SGCZ: variants seen among roughly 807,000 people sequenced by gnomAD.
The protein encoded by SGCZ is sarcoglycan zeta, also known as zeta-sarcoglycan.
A neutral mutation model predicts 41.3 loss-of-function variants in SGCZ; 40 were observed. That is an observed-to-expected ratio of 0.97 (90% confidence interval 0.75 to 1.26). SGCZ has a LOEUF of 1.26. Ranked by LOEUF, SGCZ falls within the 50% of genes most tolerant of loss-of-function variation. The pLI, the probability that SGCZ is intolerant of heterozygous loss-of-function variation, is 0.00. For synonymous variants in SGCZ, 206 were observed against 137.5 expected, an observed-to-expected ratio of 1.50 and a Z score of -3.49; for missense variants, 552 against 369.8, an observed-to-expected ratio of 1.49 and a Z score of -4.04.
At chr8:14,758,995 T>G (rs1799771767) in intron 1 of SGCZ, among the ~76,000 whole-genome samples, 3 of 133,760 alleles carry the variant, frequency 2.2e-5, no homozygotes, top group Admixed American at 7.7e-5. Context: ...GCAACAGGAG[T>G]GAAACTCCAT....
chr8:15,074,455 C>T (rs1365791869), intron 1 of SGCZ, among the ~76,000 whole-genome samples: 1 of 152,080 alleles, frequency 6.6e-6, no homozygotes, highest in Non-Finnish European at 1.5e-5. Context: ...TTGCCTCCAC[C>T]CCATTAGTTT....
intron 2 of SGCZ, among the ~76,000 whole-genome samples, chr8:14,481,706 G>T (rs571274652): frequency 6.6e-6 from 1 of 151,548 alleles, no homozygotes; most frequent in Non-Finnish European, 1.5e-5. Flanking sequence ...CTAGGAGAAT[G>T]GATTATTATC....
In SGCZ at chr8:14,593,004, C is replaced by T. The variant is rs998985842; in HGVS notation, c.40-38078G>A. On this transcript the variant is annotated intron_variant, in intron 1 of 7. Coordinates refer to ENST00000382080, the MANE Select transcript of SGCZ (RefSeq NM_139167.4). Reference sequence around the variant, plus strand: ...GGTTTCTGTTGTCTCTGACTTAGTGCCTTTACATTGGTACTGAATTATCAT... The same window carrying T: ...GGTTTCTGTTGTCTCTGACTTAGTGTCTTTACATTGGTACTGAATTATCAT... Among the ~76,000 whole-genome samples, 3 of 152,120 alleles carry T rather than the reference C, an allele frequency of 2.0e-5. No individual in the cohort carries two copies. The South Asian group carries it at 6.2e-4, about 31-fold the overall frequency.
At chr8:15,008,802 G>A in intron 1 of SGCZ, among the ~76,000 whole-genome samples, 1 of 73,616 alleles carries the variant, frequency 1.4e-5, no homozygotes, top group Admixed American at 1.6e-4. Flanking sequence ...GGAGGGAGGG[G>A]AGGAGGGAGG....
At chr8:14,650,850 G>T (rs1319285562) in intron 1 of SGCZ, among the ~76,000 whole-genome samples, 1 of 151,970 alleles carries the variant, frequency 6.6e-6, no homozygotes, top group African/African-American at 2.4e-5. Flanking sequence ...AGAGGGGAGT[G>T]ATATGTTATA....
intron 2 of SGCZ, among the ~76,000 whole-genome samples, chr8:14,336,363 T>C (rs915642976): frequency 7.2e-5 from 11 of 152,170 alleles, no homozygotes; most frequent in African/African-American, 2.7e-4. Context: ...ATGTTGATTC[T>C]ATGTCTTTGA....
intron 2 of SGCZ, among the ~76,000 whole-genome samples, chr8:14,370,576 C>T (rs1166526166): frequency 1.3e-5 from 2 of 151,802 alleles, no homozygotes; most frequent in Non-Finnish European, 2.9e-5. Flanking sequence ...GTTCTCTTTT[C>T]AGCACTAGTG....
At chr8:14,481,496 C>T (rs1370805265) in intron 2 of SGCZ, among the ~76,000 whole-genome samples, 1 of 152,160 alleles carries the variant, frequency 6.6e-6, no homozygotes, top group Admixed American at 6.5e-5. Flanking sequence ...ATCAATCTCA[C>T]AATAAATTTG....
At chr8:14,459,321 G>A (rs530886865) in intron 2 of SGCZ, among the ~76,000 whole-genome samples, 382 of 152,118 alleles carry the variant, frequency 2.5e-3, no homozygotes, top group African/African-American at 7.7e-3. Flanking sequence ...AATGTTAAAT[G>A]ACGAGTTAAT....
chr8:14,406,644 C>T (rs969830175), intron 2 of SGCZ, among the ~76,000 whole-genome samples: 1 of 152,100 alleles, frequency 6.6e-6, no homozygotes, highest in South Asian at 2.1e-4. Context: ...AGGGCAGAAG[C>T]GCCTCCCCAT....
At chr8:14,913,496 T>G (rs1799337746) in intron 1 of SGCZ, among the ~76,000 whole-genome samples, 1 of 152,086 alleles carries the variant, frequency 6.6e-6, no homozygotes, top group South Asian at 2.1e-4. Flanking sequence ...ATAATATCTT[T>G]GTTCATAATA....
Position 15,009,109 on chromosome 8 carries a change from T to C in SGCZ, c.39+228476A>G, listed in dbSNP as rs527434334. On this transcript the variant is annotated intron_variant, in intron 1 of 7. Coordinates refer to ENST00000382080, the MANE Select transcript of SGCZ (RefSeq NM_139167.4). The stretch of plus-strand genomic sequence containing the variant: ...ATATTAATTTGTTCTCACACTGCCA[T>C]AAAGAAATACCTAAGACTGGGTAAT... Among the ~76,000 whole-genome samples the C allele has an allele frequency of 7.1e-4, 108 of 152,304 alleles. 1 individual carries two copies. Among genetic ancestry groups the C allele is most frequent in the African/African-American group, 2.5e-3 (103 of 41,552 alleles).
intron 1 of SGCZ, among the ~76,000 whole-genome samples, chr8:14,664,804 T>C (rs1807856123): frequency 6.6e-6 from 1 of 152,202 alleles, no homozygotes; most frequent in African/African-American, 2.4e-5. Context: ...ATGGTTTTTC[T>C]CTGAGAAACA....
At chr8:14,711,630 C>T (rs1021331656) in intron 1 of SGCZ, among the ~76,000 whole-genome samples, 22 of 145,106 alleles carry the variant, frequency 1.5e-4, no homozygotes, top group Admixed American at 6.2e-4. Flanking sequence ...AGCCTATATG[C>T]GTCCCTTGTA....
chr8:14,203,099 G>A (rs1281011746), intron 4 of SGCZ, among the ~76,000 whole-genome samples: 3 of 152,172 alleles, frequency 2.0e-5, no homozygotes, highest in East Asian at 3.9e-4. Context: ...ATGATTGTGA[G>A]GCCTCCCCAG....
At chr8:14,164,880 T>G (rs1002944958) in intron 4 of SGCZ, 178 bp from the exon 5 acceptor site, 2 of 744,034 alleles carry the variant, frequency 2.7e-6, no homozygotes, top group African/African-American at 3.6e-5. Context: ...AATTTGGGAA[T>G]GTACTTCTGT....
chr8:15,000,753 G>A (rs918267055), intron 1 of SGCZ, among the ~76,000 whole-genome samples: 7 of 152,174 alleles, frequency 4.6e-5, no homozygotes, highest in African/African-American at 1.2e-4. Flanking sequence ...TGAGCCCTGT[G>A]TAAATCAGAC....
At chr8:14,710,265 G>A (rs1405407501) in intron 1 of SGCZ, among the ~76,000 whole-genome samples, 1 of 151,570 alleles carries the variant, frequency 6.6e-6, no homozygotes, top group Non-Finnish European at 1.5e-5. Flanking sequence ...CACTACGCCG[G>A]AGGCTGAGGC....
At position 14,660,427 on chromosome 8, in the gene SGCZ, C is replaced by T. The variant is rs1277422544; in HGVS notation, c.40-105501G>A. Among the ~76,000 whole-genome samples, 3 of 151,706 alleles carry T rather than the reference C, an allele frequency of 2.0e-5. No individual in the cohort carries two copies. In the East Asian group the frequency reaches 5.9e-4, roughly 30 times the overall value. Reference sequence around the variant, plus strand: ...TCTCTACTAAAAATACTCAAATTAGCCAGGCGTGGTGGTGGGCACCTGTAA... The same window carrying T: ...TCTCTACTAAAAATACTCAAATTAGTCAGGCGTGGTGGTGGGCACCTGTAA... On this transcript the variant is annotated intron_variant, in intron 1 of 7. Coordinates refer to ENST00000382080, the MANE Select transcript of SGCZ (RefSeq NM_139167.4).
Sources: gnomAD v4.1 joint callset for allele counts (sites outside exome capture counted in the v4.1 genomes callset) on GRCh38, gnomAD v4.1.1 for gene constraint, MANE v1.5 for transcripts, NCBI Gene and HGNC (gene_info 2026-07-23, HGNC 2026-07-21) for gene names.